Variants in IMMP2L observed in about 807,000 individuals in gnomAD.
IMMP2L encodes the protein inner mitochondrial membrane peptidase subunit 2.
A neutral mutation model predicts 19.3 loss-of-function variants in IMMP2L; 18 were observed. The ratio of observed to expected loss-of-function variants is 0.93; its 90% CI spans 0.64 to 1.38. IMMP2L has a LOEUF of 1.38. Ranked by LOEUF, IMMP2L falls within the 40% of genes most tolerant of loss-of-function variation. The pLI, the probability that IMMP2L is intolerant of heterozygous loss-of-function variation, is 0.00. For missense variants in IMMP2L, 233 were observed against 218.2 expected (o/e 1.07, Z -0.43); for synonymous variants, 76 against 73.0 (o/e 1.04, Z -0.21).
At chr7:110,952,753 G>A (rs938830277) in intron 4 of IMMP2L, among the ~76,000 whole-genome samples, 1 of 151,990 alleles carries the variant, frequency 6.6e-6, no homozygotes, top group African/African-American at 2.4e-5. Flanking sequence ...CCCATCTTAG[G>A]TACCTCAGTT....
intron 4 of IMMP2L, among the ~76,000 whole-genome samples, chr7:110,941,664 T>C (rs1316865061): frequency 6.6e-6 from 1 of 152,194 alleles, no homozygotes; most frequent in Admixed American, 6.6e-5. Flanking sequence ...TCAGCAGACT[T>C]AATTGAAATA....
At chr7:110,945,378 A>G (rs1224816207) in intron 4 of IMMP2L, among the ~76,000 whole-genome samples, 1 of 152,024 alleles carries the variant, frequency 6.6e-6, no homozygotes, top group Non-Finnish European at 1.5e-5. Flanking sequence ...GGAGGAAATA[A>G]TGAAGGCCTG....
intron 3 of IMMP2L, among the ~76,000 whole-genome samples, chr7:111,413,671 A>G (rs1834667187): frequency 6.6e-6 from 1 of 151,962 alleles, no homozygotes; most frequent in African/African-American, 2.4e-5. Flanking sequence ...TAAGAAAAAA[A>G]AAAAATCTCA....
chr7:111,240,735 T>C (rs1412026318), intron 3 of IMMP2L, among the ~76,000 whole-genome samples: 5 of 151,970 alleles, frequency 3.3e-5, no homozygotes, highest in Non-Finnish European at 7.4e-5. Context: ...ACCTAATTTA[T>C]ATTGGTAGTC....
chr7:111,001,961 C>T (rs1823750294), intron 3 of IMMP2L, among the ~76,000 whole-genome samples: 1 of 151,954 alleles, frequency 6.6e-6, no homozygotes, highest in South Asian at 2.1e-4. Context: ...CATGCAAATA[C>T]CATCTAGGCA....
intron 5 of IMMP2L, among the ~76,000 whole-genome samples, chr7:110,771,966 G>A (rs985758890): frequency 2.6e-5 from 4 of 152,148 alleles, no homozygotes; most frequent in African/African-American, 9.7e-5. Flanking sequence ...GTATTAAAGA[G>A]AACTCTTAGT....
In IMMP2L at chr7:111,241,049, G is replaced by A. The variant is rs1028471767; in HGVS notation, c.239+246189C>T. ...ACACTGTCATGGCCGTATCCTTCTC[G>A]GAAAACCTTTAAGATAACAGTAACT... On this transcript the variant is annotated intron_variant, in intron 3 of 5. Transcript: ENST00000405709. 4.0e-5 allele frequency among the ~76,000 whole-genome samples: 6 copies of A among 151,664 alleles called. No individual in the cohort carries two copies. The South Asian group carries it at 6.2e-4, about 16-fold the overall frequency.
chr7:111,059,777 T>C (rs1403014006), intron 3 of IMMP2L, among the ~76,000 whole-genome samples: 1 of 152,202 alleles, frequency 6.6e-6, no homozygotes, highest in African/African-American at 2.4e-5. Context: ...CCTTGCCTTC[T>C]CATGATGGTG....
chr7:111,188,448 G>T (rs1228482911), intron 3 of IMMP2L, among the ~76,000 whole-genome samples: 1 of 152,018 alleles, frequency 6.6e-6, no homozygotes, highest in Non-Finnish European at 1.5e-5. Flanking sequence ...GACTGTTCTG[G>T]AGTCCCTTTT....
At chr7:111,304,836 C>A (rs1327861116) in intron 3 of IMMP2L, among the ~76,000 whole-genome samples, 1 of 151,552 alleles carries the variant, frequency 6.6e-6, no homozygotes, top group Non-Finnish European at 1.5e-5. Flanking sequence ...AAGTTTAAAC[C>A]TTACCTTTCC....
chr7:110,714,540 T>C (rs1232875365), intron 5 of IMMP2L, among the ~76,000 whole-genome samples: 1 of 151,974 alleles, frequency 6.6e-6, no homozygotes, highest in Non-Finnish European at 1.5e-5. Context: ...AGGTCTTACT[T>C]GTATGACTGA....
intron 3 of IMMP2L, among the ~76,000 whole-genome samples, chr7:111,237,409 A>C (rs1482868955): frequency 6.6e-6 from 1 of 152,094 alleles, no homozygotes; most frequent in African/African-American, 2.4e-5. Context: ...TTTTACCTTC[A>C]TCTGAAATAA....
At position 110,870,465 on chromosome 7, in the gene IMMP2L, A is replaced by C. The variant is rs1212174620; in HGVS notation, c.408+16128T>G. ...CAAGGTTCCTGACCTCATGAAGCTC[A>C]ATTTTCTATTGGAGGAGATAAAAAT... On this transcript the variant is annotated intron_variant, in intron 5 of 5. Transcript: ENST00000405709. The surrounding 1 kb of genome is among the most constrained non-coding windows in gnomAD (Gnocchi z 4.2). 6.6e-6 allele frequency among the ~76,000 whole-genome samples: 1 copy of C among 152,184 alleles called. No individual in the cohort carries two copies. The highest frequency in any genetic ancestry group is 1.5e-5 in the Non-Finnish European group (1 of 68,028).
chr7:111,476,361 T>C lies in IMMP2L; in HGVS notation c.239+10877A>G, dbSNP rs945217511. On this transcript the variant is annotated intron_variant, in intron 3 of 5. Transcript: ENST00000405709. ...ATCGGTGTTTTCAAACACTTAATAA[T>C]CTTTTGTAAAAGTACATTTCCTTGT... 5.3e-5 allele frequency among the ~76,000 whole-genome samples: 8 copies of C among 152,184 alleles called. 1 individual carries two copies. Among genetic ancestry groups the C allele is most frequent in the South Asian group, 2.1e-4 (1 of 4,826 alleles).
chr7:110,933,059 G>A (rs922012998), intron 4 of IMMP2L, among the ~76,000 whole-genome samples: 5 of 152,218 alleles, frequency 3.3e-5, no homozygotes, highest in Admixed American at 2.6e-4. Context: ...TAAGAAGCAT[G>A]TGGAAACGAC....
chr7:111,465,206 C>A (rs958317942), intron 3 of IMMP2L, among the ~76,000 whole-genome samples: 1 of 152,050 alleles, frequency 6.6e-6, no homozygotes, highest in African/African-American at 2.4e-5. Flanking sequence ...TGGTGTACAT[C>A]CTAAGTCCTC....
intron 3 of IMMP2L, among the ~76,000 whole-genome samples, chr7:111,088,794 A>T (rs2129577486): frequency 6.6e-6 from 1 of 152,308 alleles, no homozygotes; most frequent in Non-Finnish European, 1.5e-5. Context: ...GCCACATTTC[A>T]TATTTACAGT....
At chr7:111,408,592 A>G (rs1834100835) in intron 3 of IMMP2L, among the ~76,000 whole-genome samples, 1 of 151,792 alleles carries the variant, frequency 6.6e-6, no homozygotes, top group Non-Finnish European at 1.5e-5. Context: ...ATGAGATGAC[A>G]GTGTGTTTTA....
At chr7:111,393,755 G>A (rs1298568433) in intron 3 of IMMP2L, among the ~76,000 whole-genome samples, 1 of 152,164 alleles carries the variant, frequency 6.6e-6, no homozygotes, top group Non-Finnish European at 1.5e-5. Context: ...AAAACTAGCA[G>A]AAATTAAAGT....
Sources: gnomAD v4.1 joint callset for allele counts (sites outside exome capture counted in the v4.1 genomes callset) on GRCh38, gnomAD v4.1.1 for gene constraint, Gnocchi (gnomAD v3.1) non-coding constraint, MANE v1.5 for transcripts, NCBI Gene and HGNC (gene_info 2026-07-23, HGNC 2026-07-21) for gene names.